Variants in ITGA2 observed in about 807,000 individuals in gnomAD.
ITGA2 encodes the protein integrin alpha-2.
Under a neutral mutation model 146.3 loss-of-function variants are expected in ITGA2, and 101 were observed. The ratio of observed to expected loss-of-function variants is 0.69; its 90% CI spans 0.59 to 0.81. The LOEUF (loss-of-function observed/expected upper bound fraction) is 0.81. Among genes scored for constraint, ITGA2 ranks in the 40% least tolerant of loss-of-function variants. The pLI is 0.00. For missense variants in ITGA2, 1,281 were observed against 1,402.7 expected, an observed-to-expected ratio of 0.91 and a Z score of 1.39; for synonymous variants, 477 against 487.1, an observed-to-expected ratio of 0.98 and a Z score of 0.27.
At chr5:53,027,624 A>G (rs1421014916) in intron 2 of ITGA2, among the ~76,000 whole-genome samples, 1 of 152,210 alleles carries the variant, frequency 6.6e-6, no homozygotes, top group Non-Finnish European at 1.5e-5. Context: ...GCCAGAGTTC[A>G]TGCCCACTGG....
intron 12 of ITGA2, among the ~76,000 whole-genome samples, chr5:53,061,325 G>A (rs1744898748): frequency 6.6e-6 from 1 of 151,988 alleles, no homozygotes; most frequent in South Asian, 2.1e-4. Flanking sequence ...TGGACTCAGA[G>A]GCTGTCCTGA....
chr5:53,062,776 A>G lies in ITGA2; in HGVS notation c.1459-10A>G, dbSNP rs41459150. The G allele has an allele frequency of 9.9e-6, 16 of 1,610,256 alleles. No individual in the cohort carries two copies. Among genetic ancestry groups the G allele is most frequent in the Non-Finnish European group, 1.4e-5 (16 of 1,177,174 alleles). On this transcript the variant is annotated splice_polypyrimidine_tract_variant and intron_variant, in intron 12 of 29. Coordinates refer to ENST00000296585, the MANE Select transcript of ITGA2 (RefSeq NM_002203.4). ...AGGAATTCTAAGTTTAACATGTTTT[A>G]TTACTCCAGATTGGCTCCTATTTTG...
chr5:52,992,938 T>C (rs933832180), intron 1 of ITGA2, among the ~76,000 whole-genome samples: 24 of 152,040 alleles, frequency 1.6e-4, no homozygotes, highest in African/African-American at 5.8e-4. Context: ...GTACACACTC[T>C]AAAGCCATCT....
chr5:53,085,458 A>G (rs998296431), intron 27 of ITGA2, among the ~76,000 whole-genome samples: 20 of 152,196 alleles, frequency 1.3e-4, no homozygotes, highest in African/African-American at 4.8e-4. Flanking sequence ...GAATGCTATA[A>G]GAAAAATTCT....
At chr5:53,058,362 A>G (rs940150346) in intron 10 of ITGA2, among the ~76,000 whole-genome samples, 1 of 152,048 alleles carries the variant, frequency 6.6e-6, no homozygotes, top group East Asian at 1.9e-4. Flanking sequence ...ACCCCAGGGC[A>G]CAGACTGTAT....
chr5:53,083,379 TTGAAAGACGTTCACA>T lies in ITGA2; in HGVS notation c.3191_3205del (p.Asp1064_Lys1068del). On this transcript the variant is annotated inframe_deletion, in exon 27 of 30. Coordinates refer to ENST00000296585, the MANE Select transcript of ITGA2 (RefSeq NM_002203.4). Reference sequence around the variant, plus strand: ...TTCCTGTAGTAATGTTACCTGCTGGTTGAAAGACGTTCACATGAAAGGAGAATACTTTGTTAATGT... The same window carrying T: ...TTCCTGTAGTAATGTTACCTGCTGGTTGAAAGGAGAATACTTTGTTAATGT... The T allele has an allele frequency of 6.2e-7, 1 of 1,613,726 alleles. No homozygotes were observed. Among genetic ancestry groups the T allele is most frequent in the Non-Finnish European group, 8.5e-7 (1 of 1,179,644 alleles).
intron 1 of ITGA2, among the ~76,000 whole-genome samples, chr5:53,017,353 G>C (rs1424258720): frequency 1.3e-5 from 2 of 152,228 alleles, no homozygotes; most frequent in East Asian, 1.9e-4. Context: ...GGGAGCAAAG[G>C]CTCAGCCCTG....
At chr5:53,018,106 G>C (rs1266419437) in intron 1 of ITGA2, among the ~76,000 whole-genome samples, 1 of 152,124 alleles carries the variant, frequency 6.6e-6, no homozygotes, top group East Asian at 1.9e-4. Context: ...TCCAGGAAAG[G>C]CCAGCAGACA....
chr5:53,072,709 T>C lies in ITGA2; in HGVS notation c.2429+14T>C. 1 of 1,585,526 alleles carries C rather than the reference T, an allele frequency of 6.3e-7. No homozygotes were observed. The highest frequency in any genetic ancestry group is 1.4e-5 in the African/African-American group (1 of 74,010). On this transcript the variant is annotated intron_variant, in intron 19 of 29. Transcript: ENST00000296585. ...ACCAGCTGCTCAGTAAGTTTTACTT[T>C]AAAGCTTGTTGTAAAATGTAGAAAT... is the stretch of plus-strand genomic sequence containing the variant.
chr5:53,021,558 A>C (rs541393782), intron 1 of ITGA2, among the ~76,000 whole-genome samples: 3 of 152,034 alleles, frequency 2.0e-5, no homozygotes, highest in African/African-American at 7.3e-5. Context: ...CCTGATCACT[A>C]TTGCACCACG....
At chr5:53,015,284 T>G (rs1742349246) in intron 1 of ITGA2, among the ~76,000 whole-genome samples, 1 of 152,156 alleles carries the variant, frequency 6.6e-6, no homozygotes, top group Admixed American at 6.5e-5. Flanking sequence ...CCAGAGATTC[T>G]CATGTTGTAT....
Position 53,060,924 on chromosome 5 carries a change from A to G in ITGA2, c.1336A>G (p.Thr446Ala), listed in dbSNP as rs752781146. 3 of 1,612,432 alleles carry G rather than the reference A, an allele frequency of 1.9e-6. No individual in the cohort carries two copies. The highest frequency in any genetic ancestry group is 2.2e-5 in the South Asian group (2 of 91,066). ...YLGYSVAAIS[T>A]GESTHFVAGA... The stretch of plus-strand genomic sequence containing the variant: ...AGGTTACTCTGTGGCTGCAATTTCT[A>G]CTGGAGAAAGCACTCACTTTGTTGC... Residue 446 changes from threonine (T) to alanine (A), a missense_variant, in exon 12 of 30, where the codon ACT (threonine) becomes GCT (alanine). Around this residue, in one of 3 missense-constraint regions of ITGA2, gnomAD observed 795 missense variants for 841.7 expected, o/e 0.94. Transcript: ENST00000296585.
At position 53,015,701 on chromosome 5, in the gene ITGA2, CATT is replaced by C. The variant is rs1742372280; in HGVS notation, c.65-11040_65-11038del. On this transcript the variant is annotated intron_variant, in intron 1 of 29. Coordinates refer to ENST00000296585, the MANE Select transcript of ITGA2 (RefSeq NM_002203.4). The stretch of plus-strand genomic sequence containing the variant: ...CTGTCAGTGGGGTGTTGAAGTTGCC[CATT>C]ATTATTGTGTGGTTATCTAAGTCTT... 7.2e-5 allele frequency among the ~76,000 whole-genome samples: 11 copies of C among 152,146 alleles called. No homozygotes were observed. The South Asian group carries it at 2.3e-3, about 32-fold the overall frequency.
chr5:53,049,593 A>G, intron 6 of ITGA2, among the ~76,000 whole-genome samples: 1 of 152,250 alleles, frequency 6.6e-6, no homozygotes, highest in Non-Finnish European at 1.5e-5. Flanking sequence ...AATTTTATAT[A>G]GTTCTTTATA....
At chr5:52,989,644 A>G in intron 1 of ITGA2, 112 bp downstream of exon 1, 3 of 1,201,512 alleles carry the variant, frequency 2.5e-6, no homozygotes, top group Non-Finnish European at 3.7e-6. Context: ...GTTCCCTCGG[A>G]TTCCACGTGG....
chr5:53,022,573 T>C (rs1488957322), intron 1 of ITGA2, among the ~76,000 whole-genome samples: 1 of 152,180 alleles, frequency 6.6e-6, no homozygotes, highest in African/African-American at 2.4e-5. Context: ...CTGTAAATTT[T>C]TGTTTGTTTG....
At chr5:53,017,479 T>C (rs1283499910) in intron 1 of ITGA2, among the ~76,000 whole-genome samples, 1 of 152,296 alleles carries the variant, frequency 6.6e-6, no homozygotes, top group African/African-American at 2.4e-5. Flanking sequence ...GTGTTCATGC[T>C]CTATATTGTC....
At position 53,094,697 on chromosome 5, in the gene ITGA2, C is replaced by A. The variant is rs10471830; in HGVS notation, c.*4098C>A. The A allele has an allele frequency of 6.6e-6, 1 of 152,034 alleles. No individual in the cohort carries two copies. The highest frequency in any genetic ancestry group is 1.5e-5 in the Non-Finnish European group (1 of 68,004). The allele number at this position is 152,034 out of a possible 1,614,324, so 9.4% of individuals were successfully genotyped here. A position where few individuals can be genotyped will look rare whatever the true frequency, so the allele number is the denominator to read the frequency against. ...AAACAGAAAAGTTTCATTATTGTAA[C>A]CCACTTTTTTCATACCACATTATTG... On this transcript the variant is annotated 3_prime_UTR_variant, in exon 30 of 30. Coordinates refer to ENST00000296585, the MANE Select transcript of ITGA2 (RefSeq NM_002203.4).
intron 1 of ITGA2, among the ~76,000 whole-genome samples, chr5:52,994,623 A>G (rs1450044563): frequency 6.6e-6 from 1 of 152,244 alleles, no homozygotes; most frequent in Admixed American, 6.5e-5. Flanking sequence ...GGATAAAGCT[A>G]GTATATTGGA....
Sources: allele counts gnomAD v4.1 joint callset (sites outside exome capture counted in the v4.1 genomes callset), GRCh38; gene constraint gnomAD v4.1.1; regional missense constraint gnomAD v4.1.1; transcripts MANE v1.5; gene names NCBI Gene and HGNC (gene_info 2026-07-23, HGNC 2026-07-21).